The following SLC44A1 variants were observed in gnomAD, a reference collection of about 807,000 sequenced individuals.
SLC44A1 encodes the protein solute carrier family 44 member 1, also known as choline transporter-like protein 1.
In SLC44A1, 26 loss-of-function variants were observed where a neutral mutation model predicts 79.3. The observed-to-expected ratio is 0.33, with a 90% CI of 0.24 to 0.46. The LOEUF (loss-of-function observed/expected upper bound fraction) is 0.46, where lower values mean the gene tolerates loss of function less well. Ranked by LOEUF, SLC44A1 falls within the 20% of genes least tolerant of loss-of-function variation. The pLI is 1.00. For missense variants in SLC44A1, 688 were observed against 798.1 expected, an observed-to-expected ratio of 0.86 and a Z score of 1.66; for synonymous variants, 263 against 286.2, an observed-to-expected ratio of 0.92 and a Z score of 0.82.
chr9:105,374,542 T>A, intron 12 of SLC44A1, 56 bp from the exon 13 acceptor site: 4 of 1,569,458 alleles, frequency 2.5e-6, no homozygotes, highest in Non-Finnish European at 3.5e-6. Flanking sequence ...TCAGTTTCTA[T>A]CTTAACAAAG....
chr9:105,304,293 G>T lies in SLC44A1; in HGVS notation c.126+4984G>T, dbSNP rs181615948. ...CAGTATTTAGACACCTGTTTGATGG[G>T]CTGTTCTTTGCTGGGATCACAGAAA... On this transcript the variant is annotated intron_variant, in intron 2 of 15. Transcript: ENST00000374720. 1.5e-4 allele frequency among the ~76,000 whole-genome samples: 23 copies of T among 152,230 alleles called. No homozygotes were observed. In the East Asian group the frequency reaches 3.7e-3, roughly 24 times the overall value.
chr9:105,319,314 A>G (rs998296571), intron 3 of SLC44A1, among the ~76,000 whole-genome samples: 1 of 152,200 alleles, frequency 6.6e-6, no homozygotes, highest in Non-Finnish European at 1.5e-5. Context: ...GAAAGGATAT[A>G]GAGTAAAATC....
chr9:105,371,893 GTTC>G (rs1339106774), intron 12 of SLC44A1, among the ~76,000 whole-genome samples: 1 of 152,118 alleles, frequency 6.6e-6, no homozygotes, highest in South Asian at 2.1e-4. Context: ...GGCTGGGGCA[GTTC>G]TTCTTCATTG....
In SLC44A1 at chr9:105,390,261, T is replaced by A; in HGVS notation, c.*1205T>A. ...TCCATTGTTCTGCTTGTTGTAATGG[T>A]GAATGCTTTAAGAAAAAAAAGTGTA... On this transcript the variant is annotated 3_prime_UTR_variant, in exon 16 of 16. Transcript: ENST00000374720. 8 of 1,049,948 alleles carry A rather than the reference T, an allele frequency of 7.6e-6. No homozygotes were observed. The highest frequency in any genetic ancestry group is 9.2e-6 in the Non-Finnish European group (8 of 872,230). 65.0% of individuals were successfully genotyped at this position (1,049,948 alleles called of 1,614,324 possible). A position where few individuals can be genotyped will look rare whatever the true frequency, so the allele number is the denominator to read the frequency against.
At chr9:105,426,919 T>G (rs1394201093) in intron 15 of SLC44A1, among the ~76,000 whole-genome samples, 2 of 149,714 alleles carry the variant, frequency 1.3e-5, no homozygotes, top group Non-Finnish European at 1.5e-5. Context: ...AATTCCTATC[T>G]TCTGTTTTTC....
At chr9:105,251,925 G>T (rs1440227355) in intron 1 of SLC44A1, among the ~76,000 whole-genome samples, 2 of 152,166 alleles carry the variant, frequency 1.3e-5, no homozygotes, top group Non-Finnish European at 2.9e-5. Context: ...TTAATGTCTA[G>T]ACTAGGTGGC....
At chr9:105,425,401 T>C (rs1268564837) in intron 15 of SLC44A1, among the ~76,000 whole-genome samples, 1 of 152,144 alleles carries the variant, frequency 6.6e-6, no homozygotes, top group Non-Finnish European at 1.5e-5. Context: ...CAAAATACTA[T>C]GAGAGAAAAT....
intron 2 of SLC44A1, among the ~76,000 whole-genome samples, chr9:105,305,937 A>G (rs188057763): frequency 1.3e-5 from 2 of 151,724 alleles, no homozygotes; most frequent in South Asian, 2.1e-4. Context: ...ATGAAGGGAA[A>G]ATGAGCACAG....
rs3185800 is a variant in SLC44A1, at chr9:105,396,844, T to G, written c.*7788T>G. 1.0e-6 allele frequency: 1 copy of G among 985,142 alleles called. No individual in the cohort carries two copies. The highest frequency in any genetic ancestry group is 1.2e-6 in the Non-Finnish European group (1 of 829,668). The allele number at this position is 985,142 out of a possible 1,614,324, so 61.0% of individuals were successfully genotyped here. On this transcript the variant is annotated 3_prime_UTR_variant, in exon 16 of 16. Transcript: ENST00000374720. ...TTAAGCCTTCCATGAATTCATAGTT[T>G]GGAATCATTTACCTTACCATTATTT...
intron 3 of SLC44A1, among the ~76,000 whole-genome samples, chr9:105,332,118 CTTTTTT>C (rs34173274): frequency 7.8e-6 from 1 of 128,242 alleles, no homozygotes; most frequent in African/African-American, 2.9e-5. Flanking sequence ...TTCTTTGTTT[CTTTTTT>C]TTTTTTTTTT....
rs1828739102 is a variant in SLC44A1 at position 105,390,476 on chromosome 9, G to A, written c.*1420G>A. ...AGCCTCAGCATTTTATCATTCCATG[G>A]AAGGAGAATCTTTTGAAAGAAAGCA... On this transcript the variant is annotated 3_prime_UTR_variant, in exon 16 of 16. Coordinates refer to ENST00000374720, the MANE Select transcript of SLC44A1 (RefSeq NM_080546.5). 1.0e-6 allele frequency: 1 copy of A among 974,836 alleles called. No individual in the cohort carries two copies. Among genetic ancestry groups the A allele is most frequent in the Non-Finnish European group, 1.2e-6 (1 of 824,154 alleles). 60.4% of individuals were successfully genotyped at this position (974,836 alleles called of 1,614,324 possible).
In SLC44A1 at chr9:105,433,256, A is replaced by G. The variant is rs183941676; in HGVS notation, c.1951-5025A>G. On this transcript the variant is annotated intron_variant, in intron 15 of 15. Coordinates refer to the SLC44A1 transcript ENST00000374724. ...GGTTGCAGTGAGCCAAGATCGCACC[A>G]CTGCACTCCAGTCTGCGCGATGGGA... 1.9e-4 allele frequency among the ~76,000 whole-genome samples: 29 copies of G among 152,276 alleles called. No individual in the cohort carries two copies. The East Asian group carries it at 5.2e-3, about 27-fold the overall frequency.
chr9:105,300,145 A>C (rs1398006574), intron 2 of SLC44A1, among the ~76,000 whole-genome samples: 1 of 152,210 alleles, frequency 6.6e-6, no homozygotes. Flanking sequence ...CAGATTAAAA[A>C]CATCAAACTC....
intron 3 of SLC44A1, among the ~76,000 whole-genome samples, chr9:105,318,439 CAA>C (rs1826273951): frequency 6.6e-6 from 1 of 152,184 alleles, no homozygotes; most frequent in African/African-American, 2.4e-5. Flanking sequence ...CTCAGCCTCC[CAA>C]AGTGCTGGGA....
At chr9:105,343,819 A>G (rs1019038813) in intron 4 of SLC44A1, among the ~76,000 whole-genome samples, 7 of 152,202 alleles carry the variant, frequency 4.6e-5, no homozygotes, top group African/African-American at 1.4e-4. Flanking sequence ...TTTCCTCCAC[A>G]ACACCTAGTA....
intron 6 of SLC44A1, chr9:105,357,196 A>G (rs1827648157): frequency 2.6e-5 from 4 of 152,118 alleles, no homozygotes; most frequent in Admixed American, 2.0e-4. Context: ...ATGAAAATCT[A>G]TTTCTGTGAT....
intron 1 of SLC44A1, among the ~76,000 whole-genome samples, chr9:105,255,291 G>T (rs974281747): frequency 5.3e-5 from 8 of 152,030 alleles, no homozygotes; most frequent in Non-Finnish European, 1.2e-4. Flanking sequence ...TCCTTTCACA[G>T]CTGTAACTTT....
At chr9:105,386,530 AG>A (rs1482921805) in intron 15 of SLC44A1, 1 of 591,804 alleles carries the variant, frequency 1.7e-6, no homozygotes, top group Non-Finnish European at 2.1e-6. Flanking sequence ...TGGCTTAGGA[AG>A]GCTTTCAACA....
chr9:105,390,730 G>A lies in SLC44A1; in HGVS notation c.*1674G>A. On this transcript the variant is annotated 3_prime_UTR_variant, in exon 16 of 16. Coordinates refer to ENST00000374720, the MANE Select transcript of SLC44A1 (RefSeq NM_080546.5). Reference sequence around the variant, plus strand: ...GCCTTGGTTTCTTTTAAAAGTTCATGTAATATTTCTGATTTTTCAGAATAT... The same window carrying A: ...GCCTTGGTTTCTTTTAAAAGTTCATATAATATTTCTGATTTTTCAGAATAT... 1 of 985,470 alleles carries A rather than the reference G, an allele frequency of 1.0e-6. No individual in the cohort carries two copies. The highest frequency in any genetic ancestry group is 1.2e-6 in the Non-Finnish European group (1 of 829,748). The allele number at this position is 985,470 out of a possible 1,614,324, so 61.0% of individuals were successfully genotyped here.
Sources: allele counts gnomAD v4.1 joint callset (sites outside exome capture counted in the v4.1 genomes callset), GRCh38; gene constraint gnomAD v4.1.1; transcripts MANE v1.5; gene names NCBI Gene and HGNC (gene_info 2026-07-23, HGNC 2026-07-21).